The following SMOC2 variants were observed in gnomAD, a reference collection of about 807,000 sequenced individuals.
SMOC2 encodes SPARC-related modular calcium-binding protein 2.
A neutral mutation model predicts 61.4 loss-of-function variants in SMOC2; 39 were observed. The observed-to-expected ratio is 0.64, with a 90% CI of 0.49 to 0.83. The LOEUF (loss-of-function observed/expected upper bound fraction) is 0.83, where lower values mean the gene tolerates loss of function less well. Among genes scored for constraint, SMOC2 ranks in the 40% least tolerant of loss-of-function variants. SMOC2 has a pLI of 0.00. For missense variants in SMOC2, 556 were observed against 592.9 expected (o/e 0.94, Z 0.65); for synonymous variants, 247 against 239.9 (o/e 1.03, Z -0.27).
At chr6:168,519,304 C>T (rs1783267634) in intron 2 of SMOC2, among the ~76,000 whole-genome samples, 1 of 152,088 alleles carries the variant, frequency 6.6e-6, no homozygotes, top group Non-Finnish European at 1.5e-5. Flanking sequence ...TCTTTCTGTG[C>T]CCTGGGCTCC....
chr6:168,632,601 G>C (rs1293469217), intron 9 of SMOC2, among the ~76,000 whole-genome samples: 2 of 152,136 alleles, frequency 1.3e-5, no homozygotes. Flanking sequence ...TGTAGATGTT[G>C]GCTCAATGTT....
In SMOC2 at chr6:168,535,788, A is replaced by G. The variant is rs547440621; in HGVS notation, c.464-7837A>G. ...AGAGAGGCAGCGCCGCCGGGGGAAG[A>G]TGGGAGGGAGACCAATGCGCAGTGA... On this transcript the variant is annotated intron_variant, in intron 4 of 12. Coordinates refer to ENST00000356284, the MANE Select transcript of SMOC2 (RefSeq NM_001166412.2). This position sits in a 1 kb window ranked among gnomAD's most constrained non-coding sequence, Gnocchi z 4.6. Among the ~76,000 whole-genome samples, 3 of 152,298 alleles carry G rather than the reference A, an allele frequency of 2.0e-5. No homozygotes were observed. The highest frequency in any genetic ancestry group is 6.5e-5 in the Admixed American group (1 of 15,306).
rs965531019 is a variant in SMOC2 at position 168,544,201 on chromosome 6, C to T, written c.511+529C>T. Among the ~76,000 whole-genome samples, 4 of 152,202 alleles carry T rather than the reference C, an allele frequency of 2.6e-5. No homozygotes were observed. The highest frequency in any genetic ancestry group is 6.5e-5 in the Admixed American group (1 of 15,288). ...GGGTCTGCGGGGTCTGTCACATGCCCACCATGACCCCCCTGGGAAAGTCTC... is the reference window on the plus strand; with the variant it reads ...GGGTCTGCGGGGTCTGTCACATGCCTACCATGACCCCCCTGGGAAAGTCTC... On this transcript the variant is annotated intron_variant, in intron 5 of 12. Coordinates refer to ENST00000356284, the MANE Select transcript of SMOC2 (RefSeq NM_001166412.2). This position sits in a 1 kb window ranked among gnomAD's most constrained non-coding sequence, Gnocchi z 4.1.
At chr6:168,603,968 G>A (rs1257100714) in intron 8 of SMOC2, among the ~76,000 whole-genome samples, 3 of 152,222 alleles carry the variant, frequency 2.0e-5, no homozygotes, top group Non-Finnish European at 4.4e-5. Context: ...ATGAGAAACT[G>A]ATGAATGAAT....
chr6:168,663,040 G>C (rs969798023), intron 11 of SMOC2, among the ~76,000 whole-genome samples: 3 of 152,206 alleles, frequency 2.0e-5, no homozygotes, highest in African/African-American at 7.2e-5. Flanking sequence ...CTGGACTGAG[G>C]AGAGAAAGAG....
intron 9 of SMOC2, among the ~76,000 whole-genome samples, chr6:168,609,755 G>A (rs112821466): frequency 0.021 from 3,178 of 152,268 alleles, 53 homozygotes; most frequent in Non-Finnish European, 0.034. Context: ...ACCTTGTCAC[G>A]TGCACTTCAA....
chr6:168,458,367 C>T (rs1469498620), intron 1 of SMOC2, among the ~76,000 whole-genome samples: 2 of 150,750 alleles, frequency 1.3e-5, no homozygotes, highest in East Asian at 3.9e-4. Context: ...CGGTCTCACC[C>T]TGCCCCTCTG....
chr6:168,564,882 G>A (rs2115131948), intron 7 of SMOC2, among the ~76,000 whole-genome samples: 1 of 152,316 alleles, frequency 6.6e-6, no homozygotes, highest in Non-Finnish European at 1.5e-5. Context: ...AGGTTAACCT[G>A]GACCTGGAGG....
At chr6:168,601,808 A>AGAGT (rs1375517165) in intron 8 of SMOC2, among the ~76,000 whole-genome samples, 104 of 152,316 alleles carry the variant, frequency 6.8e-4, no homozygotes, top group African/African-American at 2.4e-3. Context: ...CTATTGTGAT[A>AGAGT]GGCTAGAAAC....
At chr6:168,557,286 A>G (rs947732562) in intron 7 of SMOC2, among the ~76,000 whole-genome samples, 2 of 152,220 alleles carry the variant, frequency 1.3e-5, no homozygotes, top group Admixed American at 6.5e-5. Flanking sequence ...ATACCACCTC[A>G]TAAGTGTAGA....
chr6:168,512,441 G>A (rs1375574263), intron 2 of SMOC2, among the ~76,000 whole-genome samples: 1 of 152,162 alleles, frequency 6.6e-6, no homozygotes, highest in Non-Finnish European at 1.5e-5. Flanking sequence ...ACAAATGGAG[G>A]GGTGAGCTAC....
At chr6:168,526,139 G>C (rs1014503622) in intron 2 of SMOC2, among the ~76,000 whole-genome samples, 25 of 152,372 alleles carry the variant, frequency 1.6e-4, no homozygotes, top group Non-Finnish European at 2.8e-4. Context: ...CCTCGCATCA[G>C]ATAGGACCAG....
intron 5 of SMOC2, among the ~76,000 whole-genome samples, chr6:168,546,450 C>T (rs900787923): frequency 1.3e-5 from 2 of 152,100 alleles, no homozygotes; most frequent in Non-Finnish European, 2.9e-5. Flanking sequence ...TAATTAAATA[C>T]AGATTCTTCA....
intron 9 of SMOC2, among the ~76,000 whole-genome samples, chr6:168,614,442 C>G (rs1184763413): frequency 1.3e-5 from 1 of 78,624 alleles, no homozygotes; most frequent in African/African-American, 5.4e-5. Context: ...CCTCTTCACA[C>G]CTACAGCCAG....
intron 9 of SMOC2, among the ~76,000 whole-genome samples, chr6:168,621,856 A>G (rs573576619): frequency 9.2e-4 from 140 of 152,292 alleles, no homozygotes; most frequent in African/African-American, 3.2e-3. Context: ...CTGGGCGGGG[A>G]CACAGAGCCA....
At chr6:168,559,663 C>T (rs889119826) in intron 7 of SMOC2, among the ~76,000 whole-genome samples, 3 of 152,052 alleles carry the variant, frequency 2.0e-5, no homozygotes, top group African/African-American at 7.2e-5. Context: ...CTGTGCTCAT[C>T]TGCCAGCCAA....
intron 1 of SMOC2, among the ~76,000 whole-genome samples, chr6:168,495,896 C>T (rs950774872): frequency 2.6e-5 from 4 of 152,372 alleles, no homozygotes; most frequent in East Asian, 1.9e-4. Flanking sequence ...GCCTCCTCAC[C>T]GATGAGCGGT....
intron 2 of SMOC2, among the ~76,000 whole-genome samples, chr6:168,522,396 T>C (rs1323528925): frequency 3.3e-5 from 5 of 152,212 alleles, no homozygotes; most frequent in African/African-American, 1.2e-4. Context: ...AAAATTTACA[T>C]CTGCATGTCT....
chr6:168,499,209 G>A lies in SMOC2; in HGVS notation c.85-10706G>A, dbSNP rs552909420. On this transcript the variant is annotated intron_variant, in intron 1 of 12. Transcript: ENST00000356284. ...GACCTACAAGCCAGTCTCTGGGGGT[G>A]GAGATGAGAGTCCATTGCCCGGGAG... 2.3e-4 allele frequency among the ~76,000 whole-genome samples: 35 copies of A among 152,360 alleles called. No homozygotes were observed. The South Asian group carries it at 4.4e-3, about 19-fold the overall frequency.
Sources: allele counts gnomAD v4.1 joint callset (sites outside exome capture counted in the v4.1 genomes callset), GRCh38; gene constraint gnomAD v4.1.1; non-coding constraint Gnocchi (gnomAD v3.1); transcripts MANE v1.5; gene names NCBI Gene and HGNC (gene_info 2026-07-23, HGNC 2026-07-21).